The following RBFOX1 variants were observed in gnomAD, a reference collection of about 807,000 sequenced individuals.
The protein encoded by RBFOX1 is RNA binding fox-1 homolog 1.
RBFOX1 carries 8 observed loss-of-function variants against 57.7 expected under a neutral mutation model. The ratio of observed to expected loss-of-function variants is 0.14; its 90% CI spans 0.08 to 0.25. The LOEUF (loss-of-function observed/expected upper bound fraction) is 0.25, where lower values mean the gene tolerates loss of function less well. Among genes scored for constraint, RBFOX1 ranks in the 10% least tolerant of loss-of-function variants. RBFOX1 has a pLI of 1.00. For missense variants in RBFOX1, 611 were observed against 548.5 expected, an observed-to-expected ratio of 1.11 and a Z score of -1.14; for synonymous variants, 326 against 222.4, an observed-to-expected ratio of 1.47 and a Z score of -4.15.
At chr16:7,689,915 A>G (rs921906071) in intron 14 of RBFOX1, among the ~76,000 whole-genome samples, 5 of 152,056 alleles carry the variant, frequency 3.3e-5, no homozygotes, top group African/African-American at 4.8e-5. Context: ...TGGATACTGT[A>G]TCAGGTTTGT....
In RBFOX1 at chr16:7,712,368, C is replaced by A. The variant is rs945821552; in HGVS notation, c.*1623C>A. ...TGAACCTGCCAATCCGCTGTAACAA[C>A]TCTGCTTTAAAACAAAACCAAACAA... On this transcript the variant is annotated 3_prime_UTR_variant, in exon 16 of 16. Coordinates refer to ENST00000550418, the MANE Select transcript of RBFOX1 (RefSeq NM_018723.4). 6.6e-6 allele frequency: 1 copy of A among 152,620 alleles called. No individual in the cohort carries two copies. Among genetic ancestry groups the A allele is most frequent in the Non-Finnish European group, 1.5e-5 (1 of 68,078 alleles). The allele number at this position is 152,620 out of a possible 1,614,324, so 9.5% of individuals were successfully genotyped here.
At chr16:6,619,160 C>G (rs2098188104) in intron 2 of RBFOX1, among the ~76,000 whole-genome samples, 1 of 144,912 alleles carries the variant, frequency 6.9e-6, no homozygotes, top group Admixed American at 7.2e-5. Flanking sequence ...ATGTTCCAGC[C>G]AGGAAGGAGA....
At chr16:5,454,755 TTTTC>T (rs1555523989) in intron 1 of RBFOX1, among the ~76,000 whole-genome samples, 1 of 62,880 alleles carries the variant, frequency 1.6e-5, no homozygotes, top group Non-Finnish European at 3.4e-5. Flanking sequence ...TTTTCTTTTC[TTTTC>T]TTTCTTTCTC....
chr16:7,204,768 C>A (rs1322381169), intron 4 of RBFOX1, among the ~76,000 whole-genome samples: 1 of 152,178 alleles, frequency 6.6e-6, no homozygotes, highest in Non-Finnish European at 1.5e-5. Context: ...TCTCCCCAAT[C>A]CTTTCTCTTT....
At chr16:6,134,149 C>T (rs904333765) in intron 1 of RBFOX1, among the ~76,000 whole-genome samples, 1 of 152,072 alleles carries the variant, frequency 6.6e-6, no homozygotes, top group Non-Finnish European at 1.5e-5. Context: ...GTTGGCCAGG[C>T]TGGTCTCGAA....
chr16:5,544,935 G>A (rs1262871237), intron 2 of RBFOX1, among the ~76,000 whole-genome samples: 4 of 135,342 alleles, frequency 3.0e-5, no homozygotes, highest in African/African-American at 1.1e-4. Context: ...GGTATAGATG[G>A]CCTTACTATT....
chr16:5,423,630 C>A (rs1034444124), intron 1 of RBFOX1, among the ~76,000 whole-genome samples: 2 of 152,192 alleles, frequency 1.3e-5, no homozygotes, highest in Non-Finnish European at 2.9e-5. Flanking sequence ...GGCGGCCCAT[C>A]CTGCCTGTGC....
At chr16:6,487,027 T>C (rs1288241487) in intron 2 of RBFOX1, among the ~76,000 whole-genome samples, 1 of 152,102 alleles carries the variant, frequency 6.6e-6, no homozygotes. Flanking sequence ...TTGGAAACCA[T>C]CGCATATTAA....
intron 3 of RBFOX1, among the ~76,000 whole-genome samples, chr16:6,732,029 C>G (rs545667177): frequency 1.3e-5 from 2 of 152,276 alleles, no homozygotes; most frequent in South Asian, 2.1e-4. Context: ...ATTCTGGGAA[C>G]TGTATTGGAA....
intron 1 of RBFOX1, among the ~76,000 whole-genome samples, chr16:6,204,314 C>T (rs187253281): frequency 9.2e-5 from 14 of 152,028 alleles, no homozygotes; most frequent in Non-Finnish European, 1.3e-4. Context: ...GTCAATGTTG[C>T]GACAAGATTG....
At chr16:7,449,979 A>T (rs934413652) in intron 4 of RBFOX1, among the ~76,000 whole-genome samples, 1 of 151,962 alleles carries the variant, frequency 6.6e-6, no homozygotes, top group African/African-American at 2.4e-5. Context: ...AACATCAGGG[A>T]GGGAGAAGGG....
At chr16:6,375,165 T>A (rs140628017) in intron 2 of RBFOX1, among the ~76,000 whole-genome samples, 1 of 152,224 alleles carries the variant, frequency 6.6e-6, no homozygotes, top group East Asian at 1.9e-4. Context: ...AATGTTGAGG[T>A]TCTGTTGCCA....
chr16:6,801,812 T>G (rs2085530065), intron 3 of RBFOX1, among the ~76,000 whole-genome samples: 1 of 152,092 alleles, frequency 6.6e-6, no homozygotes, highest in African/African-American at 2.4e-5. Flanking sequence ...TTTCCAAAGA[T>G]TATATACCTT....
At chr16:5,999,448 AT>A (rs892075053) in intron 4 of RBFOX1, among the ~76,000 whole-genome samples, 9 of 152,084 alleles carry the variant, frequency 5.9e-5, no homozygotes, top group South Asian at 2.1e-4. Flanking sequence ...CATTTGATTC[AT>A]TTTTTTTAAC....
Position 7,265,959 on chromosome 16 carries a change from T to TA in RBFOX1, c.27+213861_27+213862insA, listed in dbSNP as rs1567956504. Reference sequence around the variant, plus strand: ...TGAGTGAGTTATGAGATCTGGTGGGTTTTTGTTTTTTTTTTTTTTTTTTTT... The same window carrying TA: ...TGAGTGAGTTATGAGATCTGGTGGGTATTTTGTTTTTTTTTTTTTTTTTTTT... On this transcript the variant is annotated intron_variant, in intron 4 of 15. Transcript: ENST00000550418. 1.5e-4 allele frequency among the ~76,000 whole-genome samples: 13 copies of TA among 88,174 alleles called. 1 individual carries two copies. The highest frequency in any genetic ancestry group is 3.2e-4 in the African/African-American group (5 of 15,550). 57.8% of individuals were successfully genotyped at this position (88,174 alleles called of 152,430 possible). A position where few individuals can be genotyped will look rare whatever the true frequency, so the allele number is the denominator to read the frequency against.
chr16:5,516,936 A>G (rs2043813527), intron 2 of RBFOX1, among the ~76,000 whole-genome samples: 1 of 151,544 alleles, frequency 6.6e-6, no homozygotes, highest in Non-Finnish European at 1.5e-5. Context: ...CCCCAGTCTC[A>G]GGTATTTCTT....
chr16:6,345,602 C>T (rs926439780), intron 2 of RBFOX1, among the ~76,000 whole-genome samples: 6 of 152,168 alleles, frequency 3.9e-5, no homozygotes, highest in African/African-American at 1.4e-4. Flanking sequence ...TATACTTACT[C>T]GGTCCCAGCT....
At chr16:5,710,471 A>G (rs1038685676) in intron 3 of RBFOX1, among the ~76,000 whole-genome samples, 4 of 152,116 alleles carry the variant, frequency 2.6e-5, no homozygotes, top group Non-Finnish European at 5.9e-5. Context: ...TGCTGCTGCT[A>G]TGCTAACACA....
At chr16:6,879,336 C>G (rs1051001913) in intron 3 of RBFOX1, among the ~76,000 whole-genome samples, 2 of 152,196 alleles carry the variant, frequency 1.3e-5, no homozygotes, top group Admixed American at 6.5e-5. Flanking sequence ...TAACTTCAGA[C>G]ACTCTGTCTC....
Sources: allele counts gnomAD v4.1 joint callset (sites outside exome capture counted in the v4.1 genomes callset), GRCh38; gene constraint gnomAD v4.1.1; transcripts MANE v1.5; gene names NCBI Gene and HGNC (gene_info 2026-07-23, HGNC 2026-07-21).